Variants in FOXN1 observed in about 807,000 individuals in gnomAD.
FOXN1 encodes the protein forkhead box protein N1.
FOXN1 carries 15 observed loss-of-function variants against 49.0 expected under a neutral mutation model. The ratio of observed to expected loss-of-function variants is 0.31; its 90% CI spans 0.20 to 0.47. FOXN1 has a LOEUF of 0.47. Among genes scored for constraint, FOXN1 ranks in the 20% least tolerant of loss-of-function variants. FOXN1 has a pLI of 1.00. For missense variants in FOXN1, 800 were observed against 842.8 expected (o/e 0.95, Z 0.63); for synonymous variants, 356 against 369.0 (o/e 0.96, Z 0.40).
chr17:28,523,837 G>C, intron 1 of FOXN1, 119 bp from the exon 2 acceptor site: 1 of 756,186 alleles, frequency 1.3e-6, no homozygotes, highest in Non-Finnish European at 2.3e-6. Context: ...TCTCTCATCA[G>C]ATGGCTGACT....
Position 28,538,691 on chromosome 17 carries a change from G to A in FOXN1, c.*1255G>A, listed in dbSNP as rs2070133453. On this transcript the variant is annotated 3_prime_UTR_variant, in exon 9 of 9. Transcript: ENST00000579795. ...GACCTAGGGTGCCCGGGAAGCACAA[G>A]GGATACCCTTGGCCCTGCGGGGTGT... 2 of 152,242 alleles carry A rather than the reference G, an allele frequency of 1.3e-5. No individual in the cohort carries two copies. The highest frequency in any genetic ancestry group is 1.3e-4 in the Admixed American group (2 of 15,294). The allele number at this position is 152,242 out of a possible 1,614,324, so 9.4% of individuals were successfully genotyped here.
chr17:28,534,637 G>A lies in FOXN1; in HGVS notation c.1136-70G>A, dbSNP rs2070006747. On this transcript the variant is annotated intron_variant, in intron 7 of 8. Transcript: ENST00000579795. The surrounding 1 kb of genome is among the most constrained non-coding windows in gnomAD (Gnocchi z 4.1). Reference sequence around the variant, plus strand: ...GAGAATGAGGCAAGGCCCCGAGTAAGGGTTCCAGTCTGGGGAAGACTGTGG... The same window carrying A: ...GAGAATGAGGCAAGGCCCCGAGTAAAGGTTCCAGTCTGGGGAAGACTGTGG... 109 of 1,608,520 alleles carry A rather than the reference G, an allele frequency of 6.8e-5. No individual in the cohort carries two copies. The highest frequency in any genetic ancestry group is 9.1e-5 in the Non-Finnish European group (107 of 1,177,716).
chr17:28,508,451 C>G (rs1180717143), intron 1 of FOXN1, among the ~76,000 whole-genome samples: 2 of 152,206 alleles, frequency 1.3e-5, no homozygotes, highest in African/African-American at 4.8e-5. Flanking sequence ...CCCCCCATCC[C>G]CCAGACAGTC....
intron 1 of FOXN1, among the ~76,000 whole-genome samples, chr17:28,518,041 C>T (rs1204729395): frequency 1.3e-5 from 2 of 151,546 alleles, no homozygotes; most frequent in Non-Finnish European, 2.9e-5. Flanking sequence ...GGATACACAC[C>T]TCCACAGGGT....
intron 6 of FOXN1, among the ~76,000 whole-genome samples, chr17:28,531,258 G>A (rs1332472708): frequency 2.0e-5 from 3 of 152,180 alleles, no homozygotes; most frequent in Non-Finnish European, 2.9e-5. Context: ...CTGGGAGGTC[G>A]GGGCTGAAGA....
chr17:28,531,488 G>A (rs1163239963), intron 6 of FOXN1, among the ~76,000 whole-genome samples: 1 of 152,112 alleles, frequency 6.6e-6, no homozygotes, highest in Non-Finnish European at 1.5e-5. Context: ...GCAGGACAGG[G>A]GCTCTTCTCC....
intron 1 of FOXN1, among the ~76,000 whole-genome samples, chr17:28,510,156 A>C: frequency 6.6e-6 from 1 of 151,966 alleles, no homozygotes; most frequent in East Asian, 1.9e-4. Context: ...CTCGCCCTCC[A>C]CCCCATGCTC....
intron 1 of FOXN1, among the ~76,000 whole-genome samples, chr17:28,516,863 A>C (rs79813908): frequency 0.46 from 12,784 of 27,890 alleles, 4,037 homozygotes; most frequent in Middle Eastern, 0.6. Context: ...AGGGTACACA[A>C]CTCCACTGGG....
chr17:28,523,905 G>A, intron 1 of FOXN1, 51 bp from the exon 2 acceptor site: 1 of 1,606,996 alleles, frequency 6.2e-7, no homozygotes, highest in Non-Finnish European at 8.5e-7. Context: ...ACCTGGGTTG[G>A]TCCCCACTGG....
Position 28,524,929 on chromosome 17 carries a change from C to A in FOXN1, c.550C>A (p.Leu184Ile), listed in dbSNP as rs202144980. 1,980 of 1,612,420 alleles carry A rather than the reference C, an allele frequency of 1.2e-3. 30 individuals are homozygous for A. The highest frequency in any genetic ancestry group is 1.8e-4 in the Middle Eastern group (1 of 5,456). ...CTCAGCAGAGGCCTGGTGTAACGGGCTCCCCTACCCCAGCCAGGAGCATGG... is the reference window on the plus strand; with the variant it reads ...CTCAGCAGAGGCCTGGTGTAACGGGATCCCCTACCCCAGCCAGGAGCATGG... ...GFSAEAWCNG[L>I]PYPSQEHGPQ... Residue 184 changes from leucine to isoleucine, a missense_variant, in exon 3 of 9, where the codon CTC (leucine) becomes ATC (isoleucine). Physicochemically the swap from Leu to Ile is conservative, Grantham distance 5. Around this residue, in one of 3 missense-constraint regions of FOXN1, gnomAD observed 383 missense variants for 357.9 expected, o/e 1.07. Coordinates refer to ENST00000579795, the MANE Select transcript of FOXN1 (RefSeq NM_001369369.1).
intron 1 of FOXN1, among the ~76,000 whole-genome samples, chr17:28,511,233 G>T (rs1379097899): frequency 6.6e-6 from 1 of 152,192 alleles, no homozygotes; most frequent in African/African-American, 2.4e-5. Flanking sequence ...GAGAGGAGGT[G>T]CACCAGTATG....
In FOXN1 at chr17:28,524,083, C is replaced by A; in HGVS notation, c.114C>A (p.Ala38=). 1 of 1,602,164 alleles carries A rather than the reference C, an allele frequency of 6.2e-7. No homozygotes were observed. The highest frequency in any genetic ancestry group is 8.5e-7 in the Non-Finnish European group (1 of 1,175,626). ...MQAPGLPGSP[A]PQSKHAGFSC... ...CACCGGGCCTCCCAGGCTCCCCTGCCCCACAGAGTGTAAGTACCCGGCATC... is the reference window on the plus strand; with the variant it reads ...CACCGGGCCTCCCAGGCTCCCCTGCACCACAGAGTGTAAGTACCCGGCATC... The change falls in exon 2 of 9, where the codon GCC becomes GCA. Residue 38 remains alanine (A), a synonymous_variant. Transcript: ENST00000579795.
intron 5 of FOXN1, among the ~76,000 whole-genome samples, chr17:28,529,825 G>A (rs2069865601): frequency 6.6e-6 from 1 of 152,168 alleles, no homozygotes; most frequent in South Asian, 2.1e-4. Context: ...CTGAGGGGAA[G>A]GGAGAGGAAC....
intron 1 of FOXN1, among the ~76,000 whole-genome samples, chr17:28,516,140 G>C (rs1380236392): frequency 6.6e-6 from 1 of 150,784 alleles, no homozygotes; most frequent in African/African-American, 2.5e-5. Context: ...TACATCCACA[G>C]GGTACACATC....
At chr17:28,520,502 G>T (rs1417036592) in intron 1 of FOXN1, among the ~76,000 whole-genome samples, 1 of 152,186 alleles carries the variant, frequency 6.6e-6, no homozygotes, top group Non-Finnish European at 1.5e-5. Flanking sequence ...GACCAGTCAG[G>T]AACCTCTGCA....
intron 1 of FOXN1, among the ~76,000 whole-genome samples, chr17:28,507,480 GA>G (rs2069289147): frequency 6.6e-6 from 1 of 152,192 alleles, no homozygotes; most frequent in African/African-American, 2.4e-5. Flanking sequence ...CTCATCTTGG[GA>G]AGTCATCCTA....
chr17:28,524,541 C>A lies in FOXN1; in HGVS notation c.162C>A (p.Asp54Glu), dbSNP rs200786966. 9.2e-5 allele frequency: 149 copies of A among 1,613,648 alleles called. 1 individual carries two copies. The highest frequency in any genetic ancestry group is 1.2e-4 in the Non-Finnish European group (147 of 1,180,012). The change falls in exon 3 of 9, where the codon GAC (aspartate) becomes GAA (glutamate). Residue 54 changes from aspartate to glutamate, a missense_variant. Physicochemically the swap from Asp to Glu is conservative, Grantham distance 45. This residue lies in a region of FOXN1 where 383 missense variants were observed against 357.9 expected (regional missense o/e 1.07). Coordinates refer to ENST00000579795, the MANE Select transcript of FOXN1 (RefSeq NM_001369369.1). ...TCAGCTGCTCGTCATTTGTGTCCGA[C>A]GGCCCTCCAGAGAGGACACCCTCAC... The part of the protein sequence containing the change: ...AGFSCSSFVS[D>E]GPPERTPSLP...
At chr17:28,522,737 C>T (rs2069665775) in intron 1 of FOXN1, among the ~76,000 whole-genome samples, 1 of 152,010 alleles carries the variant, frequency 6.6e-6, no homozygotes, top group African/African-American at 2.4e-5. Flanking sequence ...ACTCTTGAGG[C>T]TGAGGCAGGA....
chr17:28,523,849 G>A, intron 1 of FOXN1, 107 bp from the exon 2 acceptor site: 1 of 902,954 alleles, frequency 1.1e-6, no homozygotes, highest in Non-Finnish European at 1.8e-6. Context: ...TGGCTGACTG[G>A]AGGCAGGGTC....
Sources: allele counts gnomAD v4.1 joint callset (sites outside exome capture counted in the v4.1 genomes callset), GRCh38; gene constraint gnomAD v4.1.1; regional missense constraint gnomAD v4.1.1; non-coding constraint Gnocchi (gnomAD v3.1); transcripts MANE v1.5; gene names NCBI Gene and HGNC (gene_info 2026-07-23, HGNC 2026-07-21).